The following NEDD9 variants were observed in gnomAD, a reference collection of about 807,000 sequenced individuals.
NEDD9 encodes neural precursor cell expressed, developmentally down-regulated 9.
NEDD9 carries 26 observed loss-of-function variants against 76.6 expected under a neutral mutation model. The ratio of observed to expected loss-of-function variants is 0.34; its 90% confidence interval spans 0.25 to 0.47. The LOEUF is 0.47. Among genes scored for constraint, NEDD9 ranks in the 20% least tolerant of loss-of-function variants. The pLI is 1.00. For synonymous variants in NEDD9, 392 were observed against 414.2 expected, an observed-to-expected ratio of 0.95 and a Z score of 0.65; for missense variants, 937 against 1,058.5, an observed-to-expected ratio of 0.89 and a Z score of 1.59.
chr6:11,322,750 T>G (rs1041037208), intron 2 of NEDD9, among the ~76,000 whole-genome samples: 1 of 152,186 alleles, frequency 6.6e-6, no homozygotes, highest in African/African-American at 2.4e-5. Context: ...ATGTTTCAAA[T>G]CCCGATTCTT....
chr6:11,369,105 T>C (rs995085345), intron 1 of NEDD9, among the ~76,000 whole-genome samples: 2 of 152,216 alleles, frequency 1.3e-5, no homozygotes, highest in Non-Finnish European at 2.9e-5. Context: ...ACTCAGGCAG[T>C]TGGTTCTCTC....
chr6:11,319,456 A>C (rs1055051337), intron 2 of NEDD9, among the ~76,000 whole-genome samples: 2 of 151,618 alleles, frequency 1.3e-5, no homozygotes, highest in Non-Finnish European at 2.9e-5. Flanking sequence ...ATGTACACAC[A>C]CACTGGTACA....
At chr6:11,188,100 G>T in intron 6 of NEDD9, 118 bp downstream of exon 6, 1 of 828,360 alleles carries the variant, frequency 1.2e-6, no homozygotes, top group South Asian at 1.5e-5. Context: ...CTTTGGAGCT[G>T]ATTCCTGCCA....
chr6:11,362,038 C>A (rs1396333261), intron 1 of NEDD9, among the ~76,000 whole-genome samples: 1 of 152,198 alleles, frequency 6.6e-6, no homozygotes, highest in African/African-American at 2.4e-5. Flanking sequence ...GCTTGTATCA[C>A]CCCCAAATTT....
intron 1 of NEDD9, among the ~76,000 whole-genome samples, chr6:11,226,838 G>T (rs527570985): frequency 6.6e-6 from 1 of 152,192 alleles, no homozygotes; most frequent in African/African-American, 2.4e-5. Flanking sequence ...AAGGACAATT[G>T]TCATATATTA....
chr6:11,377,685 G>T lies in NEDD9; in HGVS notation c.-214+4454C>A, dbSNP rs534495221. On this transcript the variant is annotated intron_variant, in intron 1 of 3. Transcript: ENST00000397378. ...AGACACGACTTTGTACTTGATGCTG[G>T]AATCAATTCAGACTTCGGGAGACTA... is the stretch of plus-strand genomic sequence containing the variant. 4.6e-5 allele frequency among the ~76,000 whole-genome samples: 7 copies of T among 152,302 alleles called. No homozygotes were observed. The South Asian group carries it at 1.5e-3, about 32-fold the overall frequency.
intron 3 of NEDD9, among the ~76,000 whole-genome samples, chr6:11,250,226 T>G (rs907965995): frequency 2.0e-5 from 3 of 152,154 alleles, no homozygotes; most frequent in Non-Finnish European, 4.4e-5. Flanking sequence ...TCAAAGTCAG[T>G]GTAAAGTCAT....
Position 11,185,189 on chromosome 6 carries a change from G to A in NEDD9, c.2478C>T (p.Arg826=). 1.2e-6 allele frequency: 2 copies of A among 1,613,290 alleles called. No individual in the cohort carries two copies. Among genetic ancestry groups the A allele is most frequent in the Non-Finnish European group, 1.7e-6 (2 of 1,179,358 alleles). ...AGAACGTTGCCATCTCCAGCAAAGA[G>A]CGCTTGAACAGCTGGGCATTTCTAG... The part of the protein sequence containing the change: ...DLSRNAQLFK[R]SLLEMATF The change falls in exon 7 of 7, where the codon CGC becomes CGT. Residue 826 remains arginine, a synonymous_variant. Coordinates refer to ENST00000379446, the MANE Select transcript of NEDD9 (RefSeq NM_006403.4).
intron 1 of NEDD9, among the ~76,000 whole-genome samples, chr6:11,368,197 G>A (rs981596951): frequency 6.6e-6 from 1 of 152,174 alleles, no homozygotes; most frequent in South Asian, 2.1e-4. Context: ...AGGGCTGGGG[G>A]GTACCCAGAA....
Position 11,190,846 on chromosome 6 carries a change from C to A in NEDD9, c.1023G>T (p.Arg341Ser), listed in dbSNP as rs1206659148. 6.2e-7 allele frequency: 1 copy of A among 1,614,118 alleles called. No individual in the cohort carries two copies. The highest frequency in any genetic ancestry group is 2.2e-5 in the East Asian group (1 of 44,864). Residue 341 changes from arginine to serine, a missense_variant, in exon 5 of 7, where the codon AGG becomes AGT. Coordinates refer to ENST00000379446, the MANE Select transcript of NEDD9 (RefSeq NM_006403.4). The surrounding 1 kb of genome is among the most constrained non-coding windows in gnomAD (Gnocchi z 5.8). ...ETSEKANPQE[R>S]DGVYDVPLHN... ...GCAGAGGGACATCATAAACACCATC[C>A]CTTTCCTGGGGGTTTGCTTTCTCAC...
At chr6:11,376,068 C>T (rs2113576813) in intron 1 of NEDD9, among the ~76,000 whole-genome samples, 1 of 152,336 alleles carries the variant, frequency 6.6e-6, no homozygotes, top group South Asian at 2.1e-4. Context: ...TCGTGATCCG[C>T]CCGTCTCGGC....
At chr6:11,288,540 CA>C (rs1760696591) in intron 3 of NEDD9, among the ~76,000 whole-genome samples, 1 of 152,182 alleles carries the variant, frequency 6.6e-6, no homozygotes, top group Admixed American at 6.5e-5. Flanking sequence ...TTGCTCACAA[CA>C]GGGAACGTCT....
intron 2 of NEDD9, among the ~76,000 whole-genome samples, chr6:11,331,403 G>A (rs1214856735): frequency 1.3e-5 from 2 of 151,826 alleles, no homozygotes; most frequent in African/African-American, 4.8e-5. Context: ...TGGACAGGAA[G>A]GTAGATAAAT....
intron 2 of NEDD9, among the ~76,000 whole-genome samples, chr6:11,308,878 A>G (rs186950208): frequency 1.3e-5 from 2 of 152,348 alleles, no homozygotes; most frequent in Admixed American, 6.5e-5. Flanking sequence ...ATCAGATAAT[A>G]TACATTTTGA....
chr6:11,310,120 A>C (rs1761323423), intron 2 of NEDD9, among the ~76,000 whole-genome samples: 1 of 152,152 alleles, frequency 6.6e-6, no homozygotes, highest in African/African-American at 2.4e-5. Flanking sequence ...TGAATTGCCC[A>C]GCTGGGACCA....
At position 11,190,228 on chromosome 6, in the gene NEDD9, T is replaced by G; in HGVS notation, c.1641A>C (p.Thr547=). The change falls in exon 5 of 7, where the codon ACA becomes ACC. Residue 547 remains threonine (T), a synonymous_variant. Coordinates refer to ENST00000379446, the MANE Select transcript of NEDD9 (RefSeq NM_006403.4). The surrounding 1 kb of genome is among the most constrained non-coding windows in gnomAD (Gnocchi z 5.8). ...GGGCCTCTGCGTTGGTGTTGATGGT[T>G]GTGGTGAGCTGCTTGGCGTCATCGG... ...TVPDDAKQLT[T]TINTNAEALF... The G allele has an allele frequency of 6.2e-7, 1 of 1,614,210 alleles. No individual in the cohort carries two copies. Among genetic ancestry groups the G allele is most frequent in the South Asian group, 1.1e-5 (1 of 91,086 alleles).
At chr6:11,372,623 G>A (rs1762897596) in intron 1 of NEDD9, among the ~76,000 whole-genome samples, 1 of 152,170 alleles carries the variant, frequency 6.6e-6, no homozygotes, top group African/African-American at 2.4e-5. Flanking sequence ...AACAGTATAT[G>A]AGGGTTCCCT....
chr6:11,257,775 CTGTGTGTGTGTG>C (rs3067253), intron 3 of NEDD9, among the ~76,000 whole-genome samples: 39 of 143,066 alleles, frequency 2.7e-4, no homozygotes, highest in Non-Finnish European at 4.5e-4. Flanking sequence ...AATGTAGATT[CTGTGTGTGTGTG>C]TGTGTGTGTG....
intron 1 of NEDD9, among the ~76,000 whole-genome samples, chr6:11,349,590 A>G (rs1257810181): frequency 6.6e-6 from 1 of 152,244 alleles, no homozygotes; most frequent in African/African-American, 2.4e-5. Flanking sequence ...CTATGCAGCC[A>G]TATTAAAGAA....
Sources: gnomAD v4.1 joint callset for allele counts (sites outside exome capture counted in the v4.1 genomes callset) on GRCh38, gnomAD v4.1.1 for gene constraint, Gnocchi (gnomAD v3.1) non-coding constraint, MANE v1.5 for transcripts, NCBI Gene and HGNC (gene_info 2026-07-23, HGNC 2026-07-21) for gene names.